FYB2: variants seen among roughly 807,000 people sequenced by gnomAD.
FYB2 encodes the protein FYN binding protein 2.
Under a neutral mutation model 94.1 loss-of-function variants are expected in FYB2, and 103 were observed. That is an observed-to-expected ratio of 1.09 (90% CI 0.93 to 1.29). The LOEUF (loss-of-function observed/expected upper bound fraction) is 1.29, where lower values mean the gene tolerates loss of function less well. Ranked by LOEUF, FYB2 falls within the 50% of genes most tolerant of loss-of-function variation. The pLI, the probability that FYB2 is intolerant of heterozygous loss-of-function variation, is 0.00. For synonymous variants in FYB2, 293 were observed against 287.9 expected (o/e 1.02, Z -0.18); for missense variants, 896 against 841.5 (o/e 1.06, Z -0.80).
At chr1:56,789,272 C>T in intron 2 of FYB2, 138 bp from the exon 3 acceptor site, 1 of 956,406 alleles carries the variant, frequency 1.0e-6, no homozygotes, top group Non-Finnish European at 1.5e-6. Flanking sequence ...CTGATCAATA[C>T]ATAAACCTGA....
chr1:56,721,366 G>A (rs1037421974), intron 17 of FYB2, among the ~76,000 whole-genome samples: 1 of 151,978 alleles, frequency 6.6e-6, no homozygotes, highest in Non-Finnish European at 1.5e-5. Flanking sequence ...ATGATTAAGA[G>A]TGCCTCCTTC....
chr1:56,753,706 T>C lies in FYB2; in HGVS notation c.1227+133A>G, dbSNP rs1342474715. ...TAGTGTCATTGTTACATTTATTTCC[T>C]TGATACAATATCAAATGCCCATTGC... On this transcript the variant is annotated intron_variant, in intron 8 of 19. Transcript: ENST00000343433. The C allele has an allele frequency of 6.4e-5, 41 of 639,402 alleles. No homozygotes were observed. In the East Asian group the frequency reaches 1.0e-3, roughly 16 times the overall value. 39.6% of individuals were successfully genotyped at this position (639,402 alleles called of 1,614,324 possible). A position where few individuals can be genotyped will look rare whatever the true frequency, so the allele number is the denominator to read the frequency against.
chr1:56,736,776 C>G (rs1045844379), intron 15 of FYB2, among the ~76,000 whole-genome samples: 1 of 152,088 alleles, frequency 6.6e-6, no homozygotes, highest in African/African-American at 2.4e-5. Flanking sequence ...TCACATAGTG[C>G]TTGCTATCCT....
At chr1:56,824,011 C>T (rs6682648), upstream of FYB2, 12 of 152,172 alleles carry the variant, frequency 7.9e-5, no homozygotes, top group African/African-American at 1.9e-4. Context: ...AGGGAACCCC[C>T]GTCTCTCTTT....
chr1:56,801,908 C>G (rs1646530607), intron 1 of FYB2, among the ~76,000 whole-genome samples: 1 of 152,224 alleles, frequency 6.6e-6, no homozygotes, highest in South Asian at 2.1e-4. Context: ...ATTCTTCCTA[C>G]TCTTTATTTG....
At chr1:56,735,147 C>T (rs1644803390) in intron 15 of FYB2, among the ~76,000 whole-genome samples, 2 of 152,108 alleles carry the variant, frequency 1.3e-5, no homozygotes, top group African/African-American at 2.4e-5. Flanking sequence ...ATCAAAGAGA[C>T]ATCTATGCTC....
chr1:56,723,108 G>A (rs533110143), intron 17 of FYB2, among the ~76,000 whole-genome samples: 1 of 151,896 alleles, frequency 6.6e-6, no homozygotes, highest in Non-Finnish European at 1.5e-5. Context: ...ACCAAACACT[G>A]TGCTTACAGT....
chr1:56,728,599 A>C (rs920423465), intron 15 of FYB2, among the ~76,000 whole-genome samples: 2 of 152,160 alleles, frequency 1.3e-5, no homozygotes, highest in African/African-American at 4.8e-5. Context: ...ATTCAATTTT[A>C]AATAACGAGG....
chr1:56,819,692 A>T (rs1570279011), upstream of FYB2: 1 of 330,966 alleles, frequency 3.0e-6, no homozygotes, highest in East Asian at 6.5e-5. Context: ...GGCTCCTGTT[A>T]GTACAGACCA....
In FYB2 at chr1:56,792,117, C is replaced by T. The variant is rs1466827884; in HGVS notation, c.696G>A (p.Arg232=). ...RKSWENPPPE[R]SPASSPCQPI... ...GCTGGCAGGGGCTGCTTGCCGGGCT[C>T]CTCTCAGGAGGTGGGTTTTCCCAGC... Residue 232 remains arginine, a synonymous_variant, in exon 2 of 20, where the codon AGG becomes AGA. Transcript: ENST00000343433. 6 of 1,612,760 alleles carry T rather than the reference C, an allele frequency of 3.7e-6. No individual in the cohort carries two copies. Among genetic ancestry groups the T allele is most frequent in the East Asian group, 2.2e-5 (1 of 44,872 alleles).
At chr1:56,784,333 T>C (rs1570139065) in intron 4 of FYB2, among the ~76,000 whole-genome samples, 1 of 152,130 alleles carries the variant, frequency 6.6e-6, no homozygotes, top group South Asian at 2.1e-4. Flanking sequence ...TTTCATTAAC[T>C]TTGTGCTATG....
At chr1:56,792,842 A>G in intron 1 of FYB2, 39 bp from the exon 2 acceptor site, 4 of 1,536,724 alleles carry the variant, frequency 2.6e-6, no homozygotes, top group Non-Finnish European at 3.5e-6. Context: ...ACAAAAACAA[A>G]AACAAACAAA....
intron 12 of FYB2, 100 bp from the exon 13 acceptor site, chr1:56,740,895 G>T: frequency 2.9e-6 from 2 of 697,850 alleles, no homozygotes; most frequent in South Asian, 2.2e-5. Context: ...GTTCTCACTT[G>T]TAAGTGGGAG....
the FYB2 span, among the ~76,000 whole-genome samples, chr1:56,825,553 C>A: frequency 6.8e-4 from 103 of 152,240 alleles, no homozygotes; most frequent in Non-Finnish European, 3.1e-4. Flanking sequence ...CTATTCTCAC[C>A]CTACGGAACC....
At chr1:56,815,923 A>G (rs1646872398) in intron 1 of FYB2, among the ~76,000 whole-genome samples, 1 of 152,220 alleles carries the variant, frequency 6.6e-6, no homozygotes, top group Non-Finnish European at 1.5e-5. Context: ...GAGGGCATGC[A>G]CTAGGCTATA....
At chr1:56,788,938 G>C in intron 3 of FYB2, 35 bp downstream of exon 3, 1 of 1,612,864 alleles carries the variant, frequency 6.2e-7, no homozygotes, top group Non-Finnish European at 8.5e-7. Flanking sequence ...GTGACTCCTG[G>C]TTGGCCTTGT....
intron 1 of FYB2, among the ~76,000 whole-genome samples, chr1:56,806,835 A>C (rs1356984511): frequency 6.6e-6 from 1 of 152,220 alleles, no homozygotes; most frequent in Non-Finnish European, 1.5e-5. Flanking sequence ...TAAGGGTTTC[A>C]GAGGAAAAAT....
chr1:56,737,111 A>T lies in FYB2; in HGVS notation c.1769T>A (p.Val590Glu). The change falls in exon 15 of 20, where the codon GTA becomes GAA. Residue 590 changes from valine to glutamate, a missense_variant. Coordinates refer to ENST00000343433, the MANE Select transcript of FYB2 (RefSeq NM_001004303.5). ...CTTTGACTCTTTTTCACTCAGGTCT[A>T]CATCATCATAAATAATAACTTCCTG... ...KSQEVIIYDD[V>E]DLSEKESKDE... 6.2e-7 allele frequency: 1 copy of T among 1,606,920 alleles called. No homozygotes were observed. Among genetic ancestry groups the T allele is most frequent in the Non-Finnish European group, 8.5e-7 (1 of 1,175,324 alleles).
chr1:56,742,189 T>C lies in FYB2; in HGVS notation c.1576A>G (p.Lys526Glu), dbSNP rs200184899. Residue 526 changes from lysine (K) to glutamate (E), a missense_variant, in exon 12 of 20, where the codon AAA (lysine) becomes GAA (glutamate). Transcript: ENST00000343433. ...ATCTTTGGGTAGTTGTTCTTTGTTT[T>C]GTAGACATCTTCATACAGTTCTCTA... Reference protein sequence around the residue: ...ENRELYEDVYKTKNNYPKIDL... With the variant: ...ENRELYEDVYETKNNYPKIDL... 6.2e-7 allele frequency: 1 copy of C among 1,606,422 alleles called. No individual in the cohort carries two copies. The highest frequency in any genetic ancestry group is 1.3e-5 in the African/African-American group (1 of 74,760).
Sources: gnomAD v4.1 joint callset for allele counts (sites outside exome capture counted in the v4.1 genomes callset) on GRCh38, gnomAD v4.1.1 for gene constraint, MANE v1.5 for transcripts, NCBI Gene and HGNC (gene_info 2026-07-23, HGNC 2026-07-21) for gene names.